Variants in SH3PXD2A observed in about 807,000 individuals in gnomAD.
SH3PXD2A encodes SH3 and PX domain-containing protein 2A.
SH3PXD2A carries 32 observed loss-of-function variants against 115.2 expected under a neutral mutation model. The ratio of observed to expected loss-of-function variants is 0.28; its 90% confidence interval spans 0.21 to 0.37. The LOEUF (loss-of-function observed/expected upper bound fraction) is 0.37. SH3PXD2A is among the 10% of genes least tolerant of loss of function. The probability of loss-of-function intolerance (pLI) is 1.00; values close to 1 mark genes in which losing one functional copy is unlikely to be tolerated. For missense variants in SH3PXD2A, 1,328 were observed against 1,498.7 expected (o/e 0.89, Z 1.88); for synonymous variants, 610 against 629.1 (o/e 0.97, Z 0.45).
chr10:103,810,076 T>G (rs2039251487), intron 1 of SH3PXD2A, among the ~76,000 whole-genome samples: 1 of 152,198 alleles, frequency 6.6e-6, no homozygotes, highest in Non-Finnish European at 1.5e-5. Context: ...CTTATTACCC[T>G]GCAGAATGAA....
chr10:103,849,862 A>G (rs187175550), intron 1 of SH3PXD2A, among the ~76,000 whole-genome samples: 3 of 152,088 alleles, frequency 2.0e-5, no homozygotes, highest in African/African-American at 7.2e-5. Context: ...CTAATCTACT[A>G]TCCCTTTCCT....
rs564475744 is a variant in SH3PXD2A at position 103,828,592 on chromosome 10, A to G, written c.72+26603T>C. Among the ~76,000 whole-genome samples, 5 of 152,270 alleles carry G rather than the reference A, an allele frequency of 3.3e-5. No homozygotes were observed. In the East Asian group the frequency reaches 9.7e-4, roughly 29 times the overall value. On this transcript the variant is annotated intron_variant, in intron 1 of 14. Transcript: ENST00000369774. ...GTGGGTGGGAGAAGCCAAACTTCTTATCACTCAATATTCCACTTCCAGAGT... is the reference window on the plus strand; with the variant it reads ...GTGGGTGGGAGAAGCCAAACTTCTTGTCACTCAATATTCCACTTCCAGAGT...
intron 2 of SH3PXD2A, among the ~76,000 whole-genome samples, 198 bp from the exon 3 acceptor site, chr10:103,767,367 A>T (rs1424821057): frequency 6.6e-6 from 1 of 152,154 alleles, no homozygotes; most frequent in East Asian, 1.9e-4. Context: ...CTCTGCATCA[A>T]AGAGGGCATC....
At chr10:103,660,425 C>T (rs572758045) in intron 8 of SH3PXD2A, among the ~76,000 whole-genome samples, 1 of 152,376 alleles carries the variant, frequency 6.6e-6, no homozygotes, top group Admixed American at 6.5e-5. Flanking sequence ...GCATCCCCCT[C>T]ACTGCGCTTG....
rs1329121751 is a variant in SH3PXD2A, at chr10:103,620,913, GGCGTATGTGTGTATGTT to G, written c.802+1540_802+1556del. Reference sequence around the variant, plus strand: ...TGAGTGTTGCTGTGGAGGAATGGGTGGCGTATGTGTGTATGTTGCGTATATGTGTGTGTGTGATGATT... The same window carrying G: ...TGAGTGTTGCTGTGGAGGAATGGGTGGCGTATATGTGTGTGTGTGATGATT... On this transcript the variant is annotated intron_variant, in intron 10 of 14. Transcript: ENST00000369774. This position sits in a 1 kb window ranked among gnomAD's most constrained non-coding sequence, Gnocchi z 5.3. 1.3e-5 allele frequency among the ~76,000 whole-genome samples: 2 copies of G among 152,104 alleles called. 1 individual carries two copies. Among genetic ancestry groups the G allele is most frequent in the Non-Finnish European group, 2.9e-5 (2 of 68,020 alleles).
intron 13 of SH3PXD2A, among the ~76,000 whole-genome samples, chr10:103,606,666 C>T (rs1376179315): frequency 6.6e-6 from 1 of 152,124 alleles, no homozygotes; most frequent in African/African-American, 2.4e-5. Flanking sequence ...GACTGGTTTT[C>T]GTGTTTTTTT....
At chr10:103,829,093 T>G (rs908208380) in intron 1 of SH3PXD2A, among the ~76,000 whole-genome samples, 4 of 152,210 alleles carry the variant, frequency 2.6e-5, no homozygotes, top group Admixed American at 2.6e-4. Context: ...GTGGAAATAT[T>G]TGGCCTTTTC....
intron 1 of SH3PXD2A, among the ~76,000 whole-genome samples, chr10:103,830,061 C>T (rs951145227): frequency 6.6e-6 from 1 of 152,118 alleles, no homozygotes; most frequent in Non-Finnish European, 1.5e-5. Flanking sequence ...CTGGAGCAAT[C>T]CACAAGAATG....
chr10:103,706,450 C>G (rs2037981805), intron 5 of SH3PXD2A, among the ~76,000 whole-genome samples: 1 of 152,118 alleles, frequency 6.6e-6, no homozygotes, highest in Non-Finnish European at 1.5e-5. Context: ...CTTTCTGGCA[C>G]CCCCCCAAAC....
chr10:103,829,381 C>T (rs973854474), intron 1 of SH3PXD2A, among the ~76,000 whole-genome samples: 1 of 152,160 alleles, frequency 6.6e-6, no homozygotes, highest in African/African-American at 2.4e-5. Context: ...TCCCTTAAGA[C>T]CCCCTACCCC....
rs572238940 is a variant in SH3PXD2A at position 103,839,673 on chromosome 10, C to T, written c.72+15522G>A. On this transcript the variant is annotated intron_variant, in intron 1 of 14. Coordinates refer to ENST00000369774, the MANE Select transcript of SH3PXD2A (RefSeq NM_001394015.1). ...GCCCCTGAGTGGCAAGGCTGGGATT[C>T]CCGTCAGGCAGTCGGCCTCCCACTG... Among the ~76,000 whole-genome samples, 5 of 151,706 alleles carry T rather than the reference C, an allele frequency of 3.3e-5. 1 individual carries two copies. In the South Asian group the frequency reaches 1.1e-3, roughly 32 times the overall value.
intron 2 of SH3PXD2A, among the ~76,000 whole-genome samples, chr10:103,800,444 G>A (rs919545715): frequency 3.3e-5 from 5 of 152,222 alleles, no homozygotes; most frequent in African/African-American, 1.2e-4. Flanking sequence ...ATATTCCTCA[G>A]GGTGTGAGGT....
Position 103,855,252 on chromosome 10 carries a change from G to T in SH3PXD2A, c.15C>A (p.Cys5Ter). ...CGTCCACCACGGTGGCATCCTGCAC[G>T]CAGTAGGCGAGCATCTTCCCCCACA... The part of the protein sequence containing the change: MLAY[C>*]VQDATVVDVE... The change falls in exon 1 of 15, where the codon TGC becomes TGA. Residue 5 changes from cysteine to a stop codon, truncating the protein, a stop_gained. Transcript: ENST00000369774. LOFTEE classifies it high-confidence loss of function. 6.6e-7 allele frequency: 1 copy of T among 1,526,258 alleles called. No homozygotes were observed. Among genetic ancestry groups the T allele is most frequent in the Non-Finnish European group, 8.8e-7 (1 of 1,134,664 alleles). 94.5% of individuals were successfully genotyped at this position (1,526,258 alleles called of 1,614,324 possible). A position where few individuals can be genotyped will look rare whatever the true frequency, so the allele number is the denominator to read the frequency against.
intron 6 of SH3PXD2A, 98 bp from the exon 7 acceptor site, chr10:103,668,750 C>A: frequency 9.2e-7 from 1 of 1,092,324 alleles, no homozygotes; most frequent in Admixed American, 2.0e-5. Context: ...GCTGCAGGCG[C>A]CGCGCTCGGC....
At chr10:103,622,585 C>T (rs2036623751) in intron 9 of SH3PXD2A, 32 bp from the exon 10 acceptor site, 1 of 1,427,378 alleles carries the variant, frequency 7.0e-7, no homozygotes, top group Admixed American at 2.0e-5. Context: ...GAGCATGCGG[C>T]CAACAGCAAC....
Position 103,712,663 on chromosome 10 carries a change from C to T in SH3PXD2A, c.398+11607G>A, listed in dbSNP as rs2038059946. On this transcript the variant is annotated intron_variant, in intron 5 of 14. Transcript: ENST00000369774. ...GTGGCCCAGCAGGAAACCTGGGTTC[C>T]CCTTAAAAGATCCCAAATGTGGCAC... is the stretch of plus-strand genomic sequence containing the variant. Among the ~76,000 whole-genome samples the T allele has an allele frequency of 2.0e-5, 3 of 152,248 alleles. No homozygotes were observed. The South Asian group carries it at 6.2e-4, about 31-fold the overall frequency.
At chr10:103,839,777 C>T (rs563295157) in intron 1 of SH3PXD2A, among the ~76,000 whole-genome samples, 2 of 152,346 alleles carry the variant, frequency 1.3e-5, no homozygotes, top group South Asian at 4.1e-4. Flanking sequence ...AATTGAGGCT[C>T]AGCATTAAAC....
intron 11 of SH3PXD2A, among the ~76,000 whole-genome samples, chr10:103,615,252 G>A (rs917159284): frequency 1.1e-4 from 17 of 152,228 alleles, no homozygotes; most frequent in African/African-American, 4.1e-4. Context: ...GCTATGGGGA[G>A]AGGGGGCTCA....
chr10:103,750,540 T>C (rs2038563950), intron 3 of SH3PXD2A, among the ~76,000 whole-genome samples: 1 of 152,210 alleles, frequency 6.6e-6, no homozygotes, highest in Non-Finnish European at 1.5e-5. Context: ...TGGAAGGGGA[T>C]GGACAGGGCG....
Sources: gnomAD v4.1 joint callset for allele counts (sites outside exome capture counted in the v4.1 genomes callset) on GRCh38, gnomAD v4.1.1 for gene constraint, Gnocchi (gnomAD v3.1) non-coding constraint, MANE v1.5 for transcripts, NCBI Gene and HGNC (gene_info 2026-07-23, HGNC 2026-07-21) for gene names.